Variants in POLE observed in about 807,000 individuals in gnomAD.
POLE encodes DNA polymerase epsilon, catalytic subunit.
A neutral mutation model predicts 279.2 loss-of-function variants in POLE; 188 were observed. The ratio of observed to expected loss-of-function variants is 0.67; its 90% CI spans 0.60 to 0.76. The LOEUF (loss-of-function observed/expected upper bound fraction) is 0.76, where lower values mean the gene tolerates loss of function less well. POLE is among the 30% of genes least tolerant of loss of function. The pLI is 0.00. For missense variants in POLE, 2,703 were observed against 3,016.7 expected (o/e 0.90, Z 2.44); for synonymous variants, 1,214 against 1,172.5 (o/e 1.04, Z -0.72).
Position 132,657,185 on chromosome 12 carries a change from T to C in POLE, c.3533A>G (p.Tyr1178Cys). 1 of 1,613,964 alleles carries C rather than the reference T, an allele frequency of 6.2e-7. No individual in the cohort carries two copies. The highest frequency in any genetic ancestry group is 8.5e-7 in the Non-Finnish European group (1 of 1,179,968). Residue 1178 changes from tyrosine (Y) to cysteine (C), a missense_variant, in exon 29 of 49, where the codon TAC becomes TGC. Tyr to Cys is a radical substitution (Grantham distance 194, BLOSUM62 -2). Transcript: ENST00000320574. The stretch of plus-strand genomic sequence containing the variant: ...GAGCTCACTGATCTTCTTCTGCTTG[T>C]AGACATCATTCTTCTCCAGCAGTTT... Reference protein sequence around the residue: ...HKKLLEKNDVYKQKKISELFT... With the variant: ...HKKLLEKNDVCKQKKISELFT...
In POLE at chr12:132,665,216, T is replaced by A. The variant is rs571886027; in HGVS notation, c.2468+86A>T. On this transcript the variant is annotated intron_variant, in intron 21 of 48. Transcript: ENST00000320574. Reference sequence around the variant, plus strand: ...CTTGAATCAGATGAACGGCCCTCCATGCACAGCAGCCTACACCTGAAGCTG... The same window carrying A: ...CTTGAATCAGATGAACGGCCCTCCAAGCACAGCAGCCTACACCTGAAGCTG... The A allele has an allele frequency of 1.7e-5, 23 of 1,364,528 alleles. No individual in the cohort carries two copies. The South Asian group carries it at 2.7e-4, about 16-fold the overall frequency. 84.5% of individuals were successfully genotyped at this position (1,364,528 alleles called of 1,614,324 possible).
At chr12:132,667,464 C>A (rs2042821880) in intron 20 of POLE, 39 bp downstream of exon 20, 1 of 1,607,222 alleles carries the variant, frequency 6.2e-7, no homozygotes, top group Admixed American at 1.7e-5. Context: ...CTGAAACTGC[C>A]CTCACAGAGG....
At chr12:132,632,217 T>C in intron 45 of POLE, 98 bp downstream of exon 45, 2 of 897,724 alleles carry the variant, frequency 2.2e-6, no homozygotes, top group African/African-American at 1.7e-5. Flanking sequence ...AGCACGTTCA[T>C]GGTGCACGCA....
intron 12 of POLE, among the ~76,000 whole-genome samples, chr12:132,674,612 T>C (rs1408461499): frequency 1.3e-5 from 2 of 152,106 alleles, no homozygotes; most frequent in African/African-American, 2.4e-5. Context: ...CTGCCCCACA[T>C]GACAGATCCT....
intron 19 of POLE, 117 bp from the exon 20 acceptor site, chr12:132,667,765 C>G: frequency 9.4e-7 from 1 of 1,058,636 alleles, no homozygotes; most frequent in Non-Finnish European, 1.4e-6. Flanking sequence ...AGCAACAGCT[C>G]AGATACACTG....
chr12:132,680,247 A>C (rs1172282501), intron 3 of POLE, 25 bp from the exon 4 acceptor site: 2 of 1,603,004 alleles, frequency 1.2e-6, no homozygotes, highest in East Asian at 4.5e-5. Flanking sequence ...CAACCCATCC[A>C]GGGGTGATGA....
intron 32 of POLE, among the ~76,000 whole-genome samples, chr12:132,647,247 C>T (rs1304988600): frequency 6.6e-6 from 1 of 151,926 alleles, no homozygotes; most frequent in Non-Finnish European, 1.5e-5. Flanking sequence ...TGCAGTGAGG[C>T]AAGATCATGC....
chr12:132,629,118 G>T (rs544148034), intron 45 of POLE, among the ~76,000 whole-genome samples: 2 of 152,366 alleles, frequency 1.3e-5, no homozygotes, highest in South Asian at 4.1e-4. Context: ...AAGGGATGCT[G>T]TGTCCGCAGG....
At chr12:132,666,230 A>G (rs2042794340) in intron 20 of POLE, among the ~76,000 whole-genome samples, 1 of 152,250 alleles carries the variant, frequency 6.6e-6, no homozygotes, top group Admixed American at 6.5e-5. Context: ...ACACAATGAA[A>G]TATTATTCAG....
At position 132,673,187 on chromosome 12, in the gene POLE, T is replaced by C. The variant is rs1027889796; in HGVS notation, c.1450A>G (p.Ile484Val). Residue 484 changes from isoleucine (I) to valine (V), a missense_variant, in exon 14 of 49, where the codon ATT becomes GTT. Physicochemically the swap from Ile to Val is conservative, Grantham distance 29 (BLOSUM62 3). Coordinates refer to ENST00000320574, the MANE Select transcript of POLE (RefSeq NM_006231.4). Reference protein sequence around the residue: ...VHPFIFALCTIIPMEPDEVLR... With the variant: ...VHPFIFALCTVIPMEPDEVLR... Reference sequence around the variant, plus strand: ...ACCTCGTCGGGCTCCATGGGAATAATGGTGCACAGAGCAAAGATGAATGGG... The same window carrying C: ...ACCTCGTCGGGCTCCATGGGAATAACGGTGCACAGAGCAAAGATGAATGGG... 5 of 1,611,270 alleles carry C rather than the reference T, an allele frequency of 3.1e-6. No homozygotes were observed. The African/African-American group carries it at 4.0e-5, about 13-fold the overall frequency.
rs2042824620 is a variant in POLE at position 132,667,561 on chromosome 12, T to C, written c.2261A>G (p.Tyr754Cys). 4 of 1,613,620 alleles carry C rather than the reference T, an allele frequency of 2.5e-6. No individual in the cohort carries two copies. The highest frequency in any genetic ancestry group is 3.4e-6 in the Non-Finnish European group (4 of 1,179,914). Residue 754 changes from tyrosine to cysteine, a missense_variant, in exon 20 of 49, where the codon TAC becomes TGC. By Grantham distance (194) the Tyr-to-Cys change is radical (BLOSUM62 -2). This residue lies in a region of POLE where 1,011 missense variants were observed against 1,111.7 expected (regional missense o/e 0.91). Transcript: ENST00000320574. ...CCGGAAGGCACGCACGGTGTCCACG[T>C]AGAAGGAGTTTTCCCGCTGGCAGAT... ...TTICQRENSF[Y>C]VDTVRAFRDR...
chr12:132,671,834 T>C (rs565060411), intron 16 of POLE, among the ~76,000 whole-genome samples: 129 of 152,308 alleles, frequency 8.5e-4, no homozygotes, highest in African/African-American at 3.0e-3. Flanking sequence ...TCACTAATCC[T>C]GTCATTTGTA....
chr12:132,657,483 G>A lies in POLE; in HGVS notation c.3379-54C>T, dbSNP rs568076152. The A allele has an allele frequency of 5.5e-6, 8 of 1,453,998 alleles. No homozygotes were observed. The African/African-American group carries it at 5.6e-5, about 10-fold the overall frequency. 90.1% of individuals were successfully genotyped at this position (1,453,998 alleles called of 1,614,324 possible). ...ACAGCAGGTGGCAGCAGCCAAGAGT[G>A]GGGCTCACTTCATGCTGAGCACAGG... On this transcript the variant is annotated intron_variant, in intron 27 of 48. Transcript: ENST00000320574.
At chr12:132,626,579 A>C (rs1329790163) in intron 45 of POLE, among the ~76,000 whole-genome samples, 1 of 151,788 alleles carries the variant, frequency 6.6e-6, no homozygotes, top group East Asian at 2.0e-4. Flanking sequence ...CTGAAGAGAG[A>C]GAGCACTCAA....
At chr12:132,665,877 G>C (rs987828875) in intron 20 of POLE, among the ~76,000 whole-genome samples, 1 of 152,204 alleles carries the variant, frequency 6.6e-6, no homozygotes, top group Non-Finnish European at 1.5e-5. Context: ...GATAATTACT[G>C]AGTGCCTAGT....
At position 132,668,188 on chromosome 12, in the gene POLE, A is replaced by C. The variant is rs2042838523; in HGVS notation, c.2173+168T>G. On this transcript the variant is annotated intron_variant, in intron 19 of 48. Coordinates refer to ENST00000320574, the MANE Select transcript of POLE (RefSeq NM_006231.4). This position sits in a 1 kb window ranked among gnomAD's most constrained non-coding sequence, Gnocchi z 4.0. The stretch of plus-strand genomic sequence containing the variant: ...ACACTTGCAGATGGGGAAGCAAATA[A>C]AGGACCCTGCAGTGAGAGCACAGCT... Among the ~76,000 whole-genome samples the C allele has an allele frequency of 6.6e-6, 1 of 152,168 alleles. No individual in the cohort carries two copies. The highest frequency in any genetic ancestry group is 1.5e-5 in the Non-Finnish European group (1 of 68,030).
chr12:132,660,387 A>C (rs1006516291), intron 25 of POLE: 4 of 152,516 alleles, frequency 2.6e-5, no homozygotes, highest in Non-Finnish European at 5.9e-5. Context: ...ACAGCAAAGC[A>C]AGCCAGGAAA....
intron 45 of POLE, among the ~76,000 whole-genome samples, chr12:132,630,645 G>GGAGGCAGAGGTTGCAGTGAGCT (rs1459632905): frequency 1.3e-5 from 2 of 152,190 alleles, no homozygotes; most frequent in Non-Finnish European, 2.9e-5. Context: ...CAGCTAACCA[G>GGAGGCAGAGGTTGCAGTGAGCT]GAGGCAGAGG....
rs918732391 is a variant in POLE at position 132,665,063 on chromosome 12, T to C, written c.2468+239A>G. 2.0e-5 allele frequency among the ~76,000 whole-genome samples: 3 copies of C among 152,094 alleles called. No individual in the cohort carries two copies. In the South Asian group the frequency reaches 6.2e-4, roughly 31 times the overall value. On this transcript the variant is annotated intron_variant, in intron 21 of 48. Transcript: ENST00000320574. The stretch of plus-strand genomic sequence containing the variant: ...GGCAAGTCGTGTCTCCAGCCCATGA[T>C]GCAGAGACACATACACCCCACAGCA...
Sources: gnomAD v4.1 joint callset for allele counts (sites outside exome capture counted in the v4.1 genomes callset) on GRCh38, gnomAD v4.1.1 for gene constraint, gnomAD v4.1.1 regional missense constraint, Gnocchi (gnomAD v3.1) non-coding constraint, MANE v1.5 for transcripts, NCBI Gene and HGNC (gene_info 2026-07-23, HGNC 2026-07-21) for gene names.